PPP2R1A: variants seen among roughly 807,000 people sequenced by gnomAD.
The protein encoded by PPP2R1A is serine/threonine-protein phosphatase 2A 65 kDa regulatory subunit A alpha isoform.
A neutral mutation model predicts 67.1 loss-of-function variants in PPP2R1A; 15 were observed. That is an observed-to-expected ratio of 0.22 (90% CI 0.15 to 0.34). The LOEUF (loss-of-function observed/expected upper bound fraction) is 0.34, where lower values mean the gene tolerates loss of function less well. Ranked by LOEUF, PPP2R1A falls within the 10% of genes least tolerant of loss-of-function variation. The pLI, the probability that PPP2R1A is intolerant of heterozygous loss-of-function variation, is 1.00. For missense variants in PPP2R1A, 369 were observed against 775.0 expected (o/e 0.48, Z 6.22); for synonymous variants, 337 against 325.0 (o/e 1.04, Z -0.40).
At chr19:52,204,522 T>C (rs555076331) in intron 2 of PPP2R1A, among the ~76,000 whole-genome samples, 1 of 152,180 alleles carries the variant, frequency 6.6e-6, no homozygotes, top group Admixed American at 6.5e-5. Flanking sequence ...TCTCTGTGGA[T>C]TGGTGGAAAG....
chr19:52,192,860 C>T (rs1048805097), intron 1 of PPP2R1A, among the ~76,000 whole-genome samples: 2 of 152,164 alleles, frequency 1.3e-5, no homozygotes, highest in Non-Finnish European at 2.9e-5. Flanking sequence ...GCATTCCACC[C>T]CCCAGGAACC....
At chr19:52,203,703 T>C (rs774720360) in intron 2 of PPP2R1A, among the ~76,000 whole-genome samples, 1 of 152,168 alleles carries the variant, frequency 6.6e-6, no homozygotes, top group Non-Finnish European at 1.5e-5. Context: ...TTCTGACACG[T>C]CTGCCCAGAG....
At chr19:52,207,650 G>A (rs148254889) in intron 3 of PPP2R1A, among the ~76,000 whole-genome samples, 120 of 152,332 alleles carry the variant, frequency 7.9e-4, no homozygotes, top group African/African-American at 2.7e-3. Flanking sequence ...AATAGCTTGT[G>A]CTTGCTCGTT....
chr19:52,192,289 T>C (rs897054775), intron 1 of PPP2R1A, among the ~76,000 whole-genome samples: 7 of 151,348 alleles, frequency 4.6e-5, no homozygotes, highest in South Asian at 2.1e-4. Context: ...GGAACAGATA[T>C]GTAATGGCCT....
rs1436514313 is a variant in PPP2R1A at position 52,229,287 on chromosome 19, AT to A, written c.*3307del. On this transcript the variant is annotated 3_prime_UTR_variant, in exon 15 of 15. Transcript: ENST00000322088. ...GTGAAACCCTGTCTTTACTAAAAATATGAAAAAATTAGCTGGGCGTGGTGGA... is the reference window on the plus strand; with the variant it reads ...GTGAAACCCTGTCTTTACTAAAAATAGAAAAAATTAGCTGGGCGTGGTGGA... The A allele has an allele frequency of 6.6e-6, 1 of 152,160 alleles. No homozygotes were observed. The highest frequency in any genetic ancestry group is 1.5e-5 in the Non-Finnish European group (1 of 68,082). 9.4% of individuals were successfully genotyped at this position (152,160 alleles called of 1,614,324 possible).
chr19:52,196,315 C>A (rs1451795551), intron 1 of PPP2R1A, among the ~76,000 whole-genome samples: 2 of 152,176 alleles, frequency 1.3e-5, no homozygotes, highest in African/African-American at 4.8e-5. Context: ...AGTAAGAGTT[C>A]TCTTTATTTC....
intron 3 of PPP2R1A, among the ~76,000 whole-genome samples, chr19:52,207,282 T>C (rs143172576): frequency 1.2e-4 from 19 of 152,326 alleles, no homozygotes; most frequent in African/African-American, 4.6e-4. Flanking sequence ...CTGGTATTTG[T>C]CAGGTGGAAC....
intron 3 of PPP2R1A, among the ~76,000 whole-genome samples, chr19:52,210,867 G>A (rs760470362): frequency 1.3e-5 from 2 of 152,174 alleles, no homozygotes; most frequent in African/African-American, 4.8e-5. Flanking sequence ...GGTACAACAC[G>A]GAGGTCCTGC....
At chr19:52,207,941 G>A (rs531508354) in intron 3 of PPP2R1A, among the ~76,000 whole-genome samples, 8 of 152,248 alleles carry the variant, frequency 5.3e-5, no homozygotes, top group African/African-American at 1.7e-4. Flanking sequence ...AAGTTGTCAG[G>A]GAAGGCTTCC....
chr19:52,216,718 C>T lies in PPP2R1A; in HGVS notation c.1128+55C>T, dbSNP rs1298626138. The T allele has an allele frequency of 1.2e-6, 2 of 1,611,582 alleles. No homozygotes were observed. Among genetic ancestry groups the T allele is most frequent in the African/African-American group, 2.7e-5 (2 of 74,950 alleles). ...TTGTGGAGGGGACAGGCGGGTCTTCCTAGATTGCTAGGGTTTACCTAGATT... is the reference window on the plus strand; with the variant it reads ...TTGTGGAGGGGACAGGCGGGTCTTCTTAGATTGCTAGGGTTTACCTAGATT... On this transcript the variant is annotated intron_variant, in intron 9 of 14. Transcript: ENST00000322088. This position sits in a 1 kb window ranked among gnomAD's most constrained non-coding sequence, Gnocchi z 4.3.
rs1175592653 is a variant in PPP2R1A at position 52,228,378 on chromosome 19, A to G, written c.*2397A>G. ...GGTGTCTTGGGTCATGTGCTCTAGA[A>G]GCAGAGCCCGAGTGGAGACTCGTTC... On this transcript the variant is annotated 3_prime_UTR_variant, in exon 15 of 15. Transcript: ENST00000322088. 6.6e-6 allele frequency: 1 copy of G among 152,230 alleles called. No homozygotes were observed. The highest frequency in any genetic ancestry group is 1.5e-5 in the Non-Finnish European group (1 of 68,054). 9.4% of individuals were successfully genotyped at this position (152,230 alleles called of 1,614,324 possible). A position where few individuals can be genotyped will look rare whatever the true frequency, so the allele number is the denominator to read the frequency against.
chr19:52,226,325 C>A lies in PPP2R1A; in HGVS notation c.*344C>A. ...TTACTTCTCCACCTCCCGTCCTCCCCATCATTGGTTTTTTTTTGTGTGTCA... is the reference window on the plus strand; with the variant it reads ...TTACTTCTCCACCTCCCGTCCTCCCAATCATTGGTTTTTTTTTGTGTGTCA... On this transcript the variant is annotated 3_prime_UTR_variant, in exon 15 of 15. Transcript: ENST00000322088. 2.5e-6 allele frequency: 1 copy of A among 403,818 alleles called. No individual in the cohort carries two copies. The highest frequency in any genetic ancestry group is 4.4e-6 in the Non-Finnish European group (1 of 225,510). The allele number at this position is 403,818 out of a possible 1,614,324, so 25.0% of individuals were successfully genotyped here. A position where few individuals can be genotyped will look rare whatever the true frequency, so the allele number is the denominator to read the frequency against.
rs797005973 is a variant in PPP2R1A at position 52,213,476 on chromosome 19, TTTTTTTTTTTTA to T, written c.807+367_807+378del. On this transcript the variant is annotated intron_variant, in intron 6 of 14. Coordinates refer to ENST00000322088, the MANE Select transcript of PPP2R1A (RefSeq NM_014225.6). This position sits in a 1 kb window ranked among gnomAD's most constrained non-coding sequence, Gnocchi z 4.2. The stretch of plus-strand genomic sequence containing the variant: ...TTTGGTGTTTTTTTTTTTTTTTTTT[TTTTTTTTTTTTA>T]AGATGGAGTCTGTCGCCCAGGCTAG... Among the ~76,000 whole-genome samples, 3,258 of 123,930 alleles carry T rather than the reference TTTTTTTTTTTTA, an allele frequency of 0.026. 126 individuals carry two copies. The highest frequency in any genetic ancestry group is 0.089 in the African/African-American group (2,658 of 29,956). The allele number at this position is 123,930 out of a possible 152,430, so 81.3% of individuals were successfully genotyped here. A position where few individuals can be genotyped will look rare whatever the true frequency, so the allele number is the denominator to read the frequency against.
chr19:52,194,762 G>C (rs778762885), intron 1 of PPP2R1A, among the ~76,000 whole-genome samples: 9 of 152,136 alleles, frequency 5.9e-5, no homozygotes, highest in Admixed American at 3.3e-4. Flanking sequence ...TGCAAAATGG[G>C]GATAATGATG....
intron 13 of PPP2R1A, among the ~76,000 whole-genome samples, chr19:52,223,066 G>A (rs780611370): frequency 2.0e-5 from 3 of 152,160 alleles, no homozygotes; most frequent in Admixed American, 1.3e-4. Flanking sequence ...TAAAATAGAT[G>A]TGAACACAAG....
At chr19:52,214,398 T>G (rs1978439028) in intron 6 of PPP2R1A, among the ~76,000 whole-genome samples, 1 of 152,158 alleles carries the variant, frequency 6.6e-6, no homozygotes, top group South Asian at 2.1e-4. Flanking sequence ...ATCACCACAG[T>G]TAGGGAAGGT....
chr19:52,222,841 C>T (rs577073302), intron 13 of PPP2R1A, among the ~76,000 whole-genome samples: 2 of 152,318 alleles, frequency 1.3e-5, no homozygotes, highest in African/African-American at 4.8e-5. Flanking sequence ...CATGCCACTG[C>T]ACTCCAGCCT....
chr19:52,224,564 G>A (rs73056128), intron 13 of PPP2R1A, among the ~76,000 whole-genome samples: 7,006 of 152,240 alleles, frequency 0.046, 242 homozygotes, highest in Non-Finnish European at 0.074. Context: ...CCATTTGCTG[G>A]GCCTCAGAGA....
In PPP2R1A at chr19:52,203,676, G is replaced by C. The variant is rs553805118; in HGVS notation, c.169+1642G>C. ...CAAACTAAGCAGTGGACAGCAGCTG[G>C]TTGTCCTCTAATTCAGTTCTGACAC... On this transcript the variant is annotated intron_variant, in intron 2 of 14. Transcript: ENST00000322088. Among the ~76,000 whole-genome samples the C allele has an allele frequency of 2.0e-5, 3 of 152,194 alleles. No individual in the cohort carries two copies. The South Asian group carries it at 6.2e-4, about 32-fold the overall frequency.
Sources: allele counts gnomAD v4.1 joint callset (sites outside exome capture counted in the v4.1 genomes callset), GRCh38; gene constraint gnomAD v4.1.1; non-coding constraint Gnocchi (gnomAD v3.1); transcripts MANE v1.5; gene names NCBI Gene and HGNC (gene_info 2026-07-23, HGNC 2026-07-21).